ARHGAP44: variants seen among roughly 807,000 people sequenced by gnomAD.
The protein encoded by ARHGAP44 is Rho GTPase activating protein 44.
A neutral mutation model predicts 106.8 loss-of-function variants in ARHGAP44; 43 were observed. That is an observed-to-expected ratio of 0.40 (90% CI 0.32 to 0.52). The LOEUF (loss-of-function observed/expected upper bound fraction) is 0.52, where lower values mean the gene tolerates loss of function less well. Among genes scored for constraint, ARHGAP44 ranks in the 20% least tolerant of loss-of-function variants. ARHGAP44 has a pLI of 0.48. For missense variants in ARHGAP44, 866 were observed against 1,050.5 expected (o/e 0.82, Z 2.43); for synonymous variants, 439 against 410.3 (o/e 1.07, Z -0.85).
intron 1 of ARHGAP44, among the ~76,000 whole-genome samples, chr17:12,802,948 TATATATATATATATATATA>T (rs1395271072): frequency 0.11 from 3,804 of 36,070 alleles, 323 homozygotes; most frequent in Non-Finnish European, 0.13. Context: ...TATATATATA[TATATATATATATATATATA>T]TATTTTTTTT....
chr17:12,906,143 AC>A (rs1157797004), intron 3 of ARHGAP44, among the ~76,000 whole-genome samples: 2 of 152,110 alleles, frequency 1.3e-5, no homozygotes, highest in African/African-American at 4.8e-5. Context: ...GAGAACCAAT[AC>A]CTTAAGTTAT....
intron 1 of ARHGAP44, among the ~76,000 whole-genome samples, chr17:12,883,869 C>T (rs181410166): frequency 5.3e-5 from 8 of 152,218 alleles, no homozygotes. Context: ...TGCCTTACTT[C>T]TCTAACTGAA....
At chr17:12,809,751 A>G (rs760399475) in intron 1 of ARHGAP44, among the ~76,000 whole-genome samples, 1 of 152,182 alleles carries the variant, frequency 6.6e-6, no homozygotes, top group South Asian at 2.1e-4. Context: ...AAAGTGAGAT[A>G]ATGGTCATCT....
chr17:12,899,105 G>A (rs1265387474), intron 3 of ARHGAP44, among the ~76,000 whole-genome samples: 1 of 152,024 alleles, frequency 6.6e-6, no homozygotes, highest in Non-Finnish European at 1.5e-5. Context: ...TGGGTAGCTG[G>A]GACTACAGGT....
chr17:12,939,561 G>T (rs1056855482), intron 7 of ARHGAP44, among the ~76,000 whole-genome samples: 3 of 152,102 alleles, frequency 2.0e-5, no homozygotes, highest in Non-Finnish European at 2.9e-5. Flanking sequence ...CGCTTCCTGG[G>T]TTCACGCCAT....
chr17:12,848,502 C>T (rs1597933285), intron 1 of ARHGAP44, among the ~76,000 whole-genome samples: 1 of 152,096 alleles, frequency 6.6e-6, no homozygotes, highest in Non-Finnish European at 1.5e-5. Context: ...TTGAAGTATT[C>T]CTGCTAATAT....
rs186803564 is a variant in ARHGAP44, at chr17:12,922,975, A to G, written c.464+3144A>G. On this transcript the variant is annotated intron_variant, in intron 6 of 20. Transcript: ENST00000379672. ...AATGTTTTTATATCTTCAGCTTATC[A>G]TCTCCTGTATATTAAAATCTAGTAA... 1.7e-3 allele frequency among the ~76,000 whole-genome samples: 257 copies of G among 152,270 alleles called. 1 individual carries two copies. The highest frequency in any genetic ancestry group is 5.8e-3 in the African/African-American group (240 of 41,546).
At chr17:12,959,876 G>A (rs372764727) in intron 16 of ARHGAP44, among the ~76,000 whole-genome samples, 3 of 152,234 alleles carry the variant, frequency 2.0e-5, no homozygotes, top group African/African-American at 4.8e-5. Context: ...TCCCCTTTCC[G>A]GACAGACCAC....
intron 18 of ARHGAP44, 43 bp from the exon 19 acceptor site, chr17:12,980,015 T>C: frequency 2.6e-6 from 4 of 1,544,784 alleles, no homozygotes; most frequent in African/African-American, 1.4e-5. Flanking sequence ...TGCCGCTCAC[T>C]GAGTTCAGGG....
intron 1 of ARHGAP44, among the ~76,000 whole-genome samples, chr17:12,863,577 A>G (rs1366916953): frequency 6.6e-6 from 1 of 152,174 alleles, no homozygotes. Context: ...ACCCATTTCT[A>G]AGATCAAGGA....
intron 18 of ARHGAP44, among the ~76,000 whole-genome samples, chr17:12,978,379 G>T (rs2143388822): frequency 6.6e-6 from 1 of 152,328 alleles, no homozygotes; most frequent in South Asian, 2.1e-4. Context: ...TGCTCTTTTG[G>T]TTCCTCTGAA....
chr17:12,909,265 T>G (rs2037650722), intron 4 of ARHGAP44, among the ~76,000 whole-genome samples: 1 of 152,120 alleles, frequency 6.6e-6, no homozygotes, highest in Non-Finnish European at 1.5e-5. Context: ...TGTCAGAACT[T>G]ACGAGATTCT....
rs1598056309 is a variant in ARHGAP44 at position 12,920,504 on chromosome 17, T to G, written c.464+673T>G. 2.0e-5 allele frequency among the ~76,000 whole-genome samples: 3 copies of G among 151,854 alleles called. No individual in the cohort carries two copies. The East Asian group carries it at 5.8e-4, about 29-fold the overall frequency. On this transcript the variant is annotated intron_variant, in intron 6 of 20. Transcript: ENST00000379672. ...GGGTCATTTTGGTCTTAGACTTAGA[T>G]GATGAGAAGGTGGCAGCCTTACAGA...
At chr17:12,907,053 GC>G (rs2037572554) in intron 3 of ARHGAP44, among the ~76,000 whole-genome samples, 1 of 152,172 alleles carries the variant, frequency 6.6e-6, no homozygotes. Context: ...CTGGTTTGGT[GC>G]CTGCCCTCCA....
At chr17:12,986,449 T>C (rs2039957812) in intron 20 of ARHGAP44, 1 of 151,914 alleles carries the variant, frequency 6.6e-6, no homozygotes. Flanking sequence ...CAAGGTAGTG[T>C]CAATACATAA....
chr17:12,884,932 G>T (rs141427363), intron 1 of ARHGAP44, among the ~76,000 whole-genome samples: 5 of 152,100 alleles, frequency 3.3e-5, no homozygotes, highest in East Asian at 3.9e-4. Context: ...ATGGAGTCTC[G>T]CTGTGTCACC....
intron 1 of ARHGAP44, among the ~76,000 whole-genome samples, chr17:12,794,507 T>A (rs1476409414): frequency 6.6e-6 from 1 of 152,200 alleles, no homozygotes; most frequent in Non-Finnish European, 1.5e-5. Flanking sequence ...TGCCCAGTGA[T>A]GGTCCAAGTG....
chr17:12,941,163 C>A (rs924673150), intron 8 of ARHGAP44, 39 bp downstream of exon 8: 2 of 1,576,654 alleles, frequency 1.3e-6, no homozygotes, highest in African/African-American at 1.3e-5. Flanking sequence ...AAAGGCTGTT[C>A]GTAGGAGAAG....
intron 6 of ARHGAP44, among the ~76,000 whole-genome samples, chr17:12,925,416 A>AAT (rs1567690369): frequency 2.2e-4 from 34 of 152,316 alleles, no homozygotes; most frequent in African/African-American, 8.2e-4. Flanking sequence ...GGGGATGCCC[A>AAT]TGGCAGAGGA....
Sources: allele counts gnomAD v4.1 joint callset (sites outside exome capture counted in the v4.1 genomes callset), GRCh38; gene constraint gnomAD v4.1.1; transcripts MANE v1.5; gene names NCBI Gene and HGNC (gene_info 2026-07-23, HGNC 2026-07-21).